Variants in CEP170B observed in about 807,000 individuals in gnomAD.
The protein encoded by CEP170B is centrosomal protein of 170 kDa protein B.
In CEP170B, 55 loss-of-function variants were observed where a neutral mutation model predicts 120.6. That is an observed-to-expected ratio of 0.46 (90% CI 0.37 to 0.57). CEP170B has a LOEUF of 0.57. CEP170B is among the 20% of genes least tolerant of loss of function. CEP170B has a pLI of 0.00. For synonymous variants in CEP170B, 1,033 were observed against 954.5 expected (o/e 1.08, Z -1.52); for missense variants, 2,212 against 2,253.3 (o/e 0.98, Z 0.37).
In CEP170B at chr14:104,896,629, C is replaced by T. The variant is rs192751412; in HGVS notation, c.*1671C>T. On this transcript the variant is annotated 3_prime_UTR_variant, in exon 19 of 19. Coordinates refer to ENST00000414716, the MANE Select transcript of CEP170B (RefSeq NM_001112726.3). ...ACTGGTCCTTGTTTGCCGGGCTTCT[C>T]GGAGGGTTCACTGTACATTCGTTCT... 388 of 456,220 alleles carry T rather than the reference C, an allele frequency of 8.5e-4. 2 individuals are homozygous for T. Among genetic ancestry groups the T allele is most frequent in the African/African-American group, 7.1e-3 (358 of 50,170 alleles). 28.3% of individuals were successfully genotyped at this position (456,220 alleles called of 1,614,324 possible).
chr14:104,880,898 A>C lies in CEP170B; in HGVS notation c.472+473A>C, dbSNP rs188204535. On this transcript the variant is annotated intron_variant, in intron 6 of 18. Coordinates refer to ENST00000414716, the MANE Select transcript of CEP170B (RefSeq NM_001112726.3). ...ACCCACATCCCTCACCTCTTACCCC[A>C]CACACACAGCTACCCATGCACACCC... Among the ~76,000 whole-genome samples, 1,168 of 133,494 alleles carry C rather than the reference A, an allele frequency of 8.7e-3. 8 individuals are homozygous for C. Among genetic ancestry groups the C allele is most frequent in the Middle Eastern group, 0.021 (4 of 194 alleles). 87.6% of individuals were successfully genotyped at this position (133,494 alleles called of 152,430 possible).
At chr14:104,872,169 GTGTGTGCGTGTGTGTGCTGTGT>G (rs1895527878) in intron 2 of CEP170B, among the ~76,000 whole-genome samples, 1 of 149,106 alleles carries the variant, frequency 6.7e-6, no homozygotes, top group Admixed American at 6.7e-5. Context: ...TGTGCCGCGT[GTGTGTGCGTGTGTGTGCTGTGT>G]GTGTGCCGTG....
chr14:104,880,464 C>T (rs767523495), intron 6 of CEP170B, 39 bp downstream of exon 6: 1 of 1,599,804 alleles, frequency 6.3e-7, no homozygotes, highest in Non-Finnish European at 8.5e-7. Context: ...GCACACAGGG[C>T]CACTGCCAGG....
intron 3 of CEP170B, 30 bp from the exon 4 acceptor site, chr14:104,877,855 C>A (rs769621738): frequency 9.1e-6 from 1 of 109,900 alleles, no homozygotes. Context: ...CGCAGCTCCC[C>A]CCCCCCCCCC....
chr14:104,877,836 A>ACCCCCCCCCCCCCCCCCCCCCCCCCCCC, intron 3 of CEP170B, 49 bp from the exon 4 acceptor site: 1 of 237,068 alleles, frequency 4.2e-6, no homozygotes, highest in Non-Finnish European at 6.7e-6. Context: ...GCCCACAGCC[A>ACCCCCCCCCCCCCCCCCCCCCCCCCCCC]CCCACCCGCG....
intron 2 of CEP170B, among the ~76,000 whole-genome samples, chr14:104,875,833 C>G (rs750078983): frequency 3.3e-5 from 5 of 152,130 alleles, no homozygotes; most frequent in Non-Finnish European, 1.5e-5. Context: ...GTGGGAGCAC[C>G]AAAGGTGTGG....
chr14:104,877,804 A>AACC, intron 3 of CEP170B, 81 bp from the exon 4 acceptor site: 2 of 572,572 alleles, frequency 3.5e-6, no homozygotes, highest in Admixed American at 2.9e-5. Flanking sequence ...CCACCTGCTC[A>AACC]GCCCCACCAC....
At chr14:104,875,983 G>A (rs1895827002) in intron 2 of CEP170B, among the ~76,000 whole-genome samples, 1 of 152,166 alleles carries the variant, frequency 6.6e-6, no homozygotes, top group African/African-American at 2.4e-5. Context: ...GATGACCAGA[G>A]GGCTCCCAGC....
intron 2 of CEP170B, among the ~76,000 whole-genome samples, chr14:104,875,725 C>T (rs1319973940): frequency 2.6e-5 from 4 of 152,222 alleles, no homozygotes; most frequent in African/African-American, 7.2e-5. Context: ...TATGATTGGA[C>T]GACCGGGCTT....
At chr14:104,872,525 C>T (rs1460261555) in intron 2 of CEP170B, among the ~76,000 whole-genome samples, 1 of 139,570 alleles carries the variant, frequency 7.2e-6, no homozygotes, top group African/African-American at 2.7e-5. Flanking sequence ...CATGTGCATA[C>T]ATGTGCATGT....
In CEP170B at chr14:104,892,910, C is replaced by T. The variant is rs955696062; in HGVS notation, c.3879-66C>T. On this transcript the variant is annotated intron_variant, in intron 13 of 18. Coordinates refer to ENST00000414716, the MANE Select transcript of CEP170B (RefSeq NM_001112726.3). ...CTGGGAGCTGGGAGGGGCTTTGAGG[C>T]CTGTCTGGCCCCTGCTGCCCCGACT... The T allele has an allele frequency of 2.4e-5, 36 of 1,513,364 alleles. No homozygotes were observed. The African/African-American group carries it at 4.6e-4, about 19-fold the overall frequency. 93.7% of individuals were successfully genotyped at this position (1,513,364 alleles called of 1,614,324 possible).
intron 13 of CEP170B, among the ~76,000 whole-genome samples, chr14:104,890,709 G>A (rs1469239969): frequency 4.9e-5 from 3 of 61,708 alleles, no homozygotes; most frequent in Non-Finnish European, 4.4e-5. Context: ...TGGATGGATG[G>A]ATGGATGAGT....
intron 12 of CEP170B, 47 bp from the exon 13 acceptor site, chr14:104,889,573 C>T (rs2140732131): frequency 6.2e-7 from 1 of 1,603,742 alleles, no homozygotes; most frequent in East Asian, 2.2e-5. Flanking sequence ...AGGAGTACGG[C>T]TCCCGCCACG....
chr14:104,882,672 C>G (rs1011561441), intron 6 of CEP170B, 56 bp from the exon 7 acceptor site: 2 of 1,442,268 alleles, frequency 1.4e-6, no homozygotes, highest in Non-Finnish European at 1.9e-6. Context: ...CAGTTCTCTG[C>G]TTTTCACACT....
At chr14:104,888,871 G>A (rs1200595487) in intron 12 of CEP170B, among the ~76,000 whole-genome samples, 1 of 152,162 alleles carries the variant, frequency 6.6e-6, no homozygotes, top group Non-Finnish European at 1.5e-5. Flanking sequence ...GGGCGGGGCC[G>A]AGGGTCACCC....
rs1896244415 is a variant in CEP170B, at chr14:104,883,108, C to T, written c.651C>T (p.Cys217=). Residue 217 remains cysteine, a synonymous_variant, in exon 8 of 19, where the codon TGC becomes TGT. Coordinates refer to ENST00000414716, the MANE Select transcript of CEP170B (RefSeq NM_001112726.3). ...GFRAPAEPQG[C]SFRREPSYFE... is the part of the protein sequence containing the mutation. ...GCGCCCCTGCTGAGCCTCAGGGCTG[C>T]TCGTTCCGGCGGGAGCCCAGCTACT... 2 of 1,587,824 alleles carry T rather than the reference C, an allele frequency of 1.3e-6. No individual in the cohort carries two copies. Among genetic ancestry groups the T allele is most frequent in the Non-Finnish European group, 8.5e-7 (1 of 1,170,142 alleles).
In CEP170B at chr14:104,880,335, C is replaced by A. The variant is rs768383267; in HGVS notation, c.382C>A (p.Pro128Thr). The change falls in exon 6 of 19, where the codon CCC becomes ACC. Residue 128 changes from proline (P) to threonine (T), a missense_variant. Physicochemically the swap from Pro to Thr is conservative, Grantham distance 38. Around this residue, in one of 2 missense-constraint regions of CEP170B, gnomAD observed 2,166 missense variants for 2,166.7 expected, o/e 1.00. Transcript: ENST00000414716. ...QLQVSVKGLA[P>T]KRSEALPEHT... Reference sequence around the variant, plus strand: ...GCAGGTGAGCGTGAAGGGTTTGGCGCCCAAGAGGAGCGAGGCACTGCCGGA... The same window carrying A: ...GCAGGTGAGCGTGAAGGGTTTGGCGACCAAGAGGAGCGAGGCACTGCCGGA... The A allele has an allele frequency of 2.5e-6, 4 of 1,611,304 alleles. No individual in the cohort carries two copies. In the South Asian group the frequency reaches 4.4e-5, roughly 18 times the overall value.
At position 104,872,784 on chromosome 14, in the gene CEP170B, C is replaced by T. The variant is rs372317750; in HGVS notation, c.106-3472C>T. Among the ~76,000 whole-genome samples, 27 of 152,236 alleles carry T rather than the reference C, an allele frequency of 1.8e-4. No homozygotes were observed. The South Asian group carries it at 5.6e-3, about 32-fold the overall frequency. ...GGTGTGCCCAGAGCCCTGGCTGCTG[C>T]TACTGCCACTCAGCACAGCTGGGCC... On this transcript the variant is annotated intron_variant, in intron 2 of 18. Coordinates refer to ENST00000414716, the MANE Select transcript of CEP170B (RefSeq NM_001112726.3).
intron 12 of CEP170B, 97 bp downstream of exon 12, chr14:104,888,075 T>C (rs1896618749): frequency 1.5e-6 from 2 of 1,310,116 alleles, no homozygotes; most frequent in Non-Finnish European, 2.0e-6. Flanking sequence ...CGTGGGCCCC[T>C]GGTCCTGGCA....
Sources: gnomAD v4.1 joint callset for allele counts (sites outside exome capture counted in the v4.1 genomes callset) on GRCh38, gnomAD v4.1.1 for gene constraint, gnomAD v4.1.1 regional missense constraint, MANE v1.5 for transcripts, NCBI Gene and HGNC (gene_info 2026-07-23, HGNC 2026-07-21) for gene names.